PAM: variants seen among roughly 807,000 people sequenced by gnomAD.
PAM encodes the protein peptidylglycine alpha-amidating monooxygenase, also known as peptidyl-glycine alpha-amidating monooxygenase.
PAM carries 72 observed loss-of-function variants against 122.1 expected under a neutral mutation model. The ratio of observed to expected loss-of-function variants is 0.59; its 90% CI spans 0.49 to 0.72. The LOEUF (loss-of-function observed/expected upper bound fraction) is 0.72. PAM is among the 30% of genes least tolerant of loss of function. The probability of loss-of-function intolerance (pLI) is 0.00; values close to 1 mark genes in which losing one functional copy is unlikely to be tolerated. For missense variants in PAM, 1,106 were observed against 1,183.7 expected (o/e 0.93, Z 0.96); for synonymous variants, 389 against 404.4 (o/e 0.96, Z 0.46).
intron 1 of PAM, among the ~76,000 whole-genome samples, chr5:102,824,811 A>C (rs1020961748): frequency 6.6e-6 from 1 of 152,232 alleles, no homozygotes; most frequent in African/African-American, 2.4e-5. Flanking sequence ...CTGGAAATGC[A>C]AATTTTCTAA....
At chr5:102,976,492 G>A (rs1017421582) in intron 15 of PAM, among the ~76,000 whole-genome samples, 6 of 151,930 alleles carry the variant, frequency 3.9e-5, no homozygotes, top group Admixed American at 3.3e-4. Flanking sequence ...AGTCCTCAGG[G>A]TATAGTCAAA....
intron 7 of PAM, among the ~76,000 whole-genome samples, chr5:102,941,521 C>T (rs1755216351): frequency 6.6e-6 from 1 of 152,050 alleles, no homozygotes; most frequent in Admixed American, 6.6e-5. Flanking sequence ...ATTAACAGTC[C>T]CCCAATTTCA....
chr5:103,005,663 C>T (rs745387578), intron 18 of PAM, among the ~76,000 whole-genome samples: 1 of 152,162 alleles, frequency 6.6e-6, no homozygotes, highest in African/African-American at 2.4e-5. Flanking sequence ...CTTCATATTA[C>T]CATCATATTG....
chr5:102,777,506 A>G (rs1002928763), intron 1 of PAM, among the ~76,000 whole-genome samples: 1 of 152,160 alleles, frequency 6.6e-6, no homozygotes, highest in Non-Finnish European at 1.5e-5. Context: ...AATTTCTAGT[A>G]AAATCAAGTA....
intron 1 of PAM, among the ~76,000 whole-genome samples, chr5:102,771,351 A>T (rs988743752): frequency 6.6e-6 from 1 of 152,090 alleles, no homozygotes; most frequent in African/African-American, 2.4e-5. Context: ...GTCTTTTCAA[A>T]GTGAAAACAA....
intron 3 of PAM, among the ~76,000 whole-genome samples, chr5:102,887,722 C>G (rs1470249058): frequency 6.6e-6 from 1 of 151,720 alleles, no homozygotes; most frequent in East Asian, 1.9e-4. Context: ...AAATTTTTCC[C>G]TTTTCCTCTC....
At chr5:102,834,299 A>T (rs963854794) in intron 1 of PAM, among the ~76,000 whole-genome samples, 1 of 152,176 alleles carries the variant, frequency 6.6e-6, no homozygotes, top group South Asian at 2.1e-4. Context: ...ATAATATTAT[A>T]GTTTACAGGT....
At chr5:102,813,530 T>G (rs962764435) in intron 1 of PAM, among the ~76,000 whole-genome samples, 14 of 152,224 alleles carry the variant, frequency 9.2e-5, no homozygotes, top group Non-Finnish European at 1.9e-4. Context: ...TCTTTCTCAC[T>G]TAATCTCACT....
chr5:102,861,616 G>A (rs1784216112), intron 1 of PAM, among the ~76,000 whole-genome samples: 1 of 152,146 alleles, frequency 6.6e-6, no homozygotes, highest in Non-Finnish European at 1.5e-5. Context: ...GGGACAGTGG[G>A]CAAAGTTTGG....
Position 102,784,418 on chromosome 5 carries a change from A to G in PAM, c.-374+29070A>G, listed in dbSNP as rs188570106. 4.1e-4 allele frequency among the ~76,000 whole-genome samples: 62 copies of G among 152,232 alleles called. No homozygotes were observed. In the South Asian group the frequency reaches 5.2e-3, roughly 13 times the overall value. ...GGTTTCCTTGGCACCGTAAGCTTGG[A>G]AAAATTTAGGTATCACTGTTGTAAG... is the stretch of plus-strand genomic sequence containing the variant. On this transcript the variant is annotated intron_variant, in intron 1 of 25. Coordinates refer to ENST00000438793, the MANE Select transcript of PAM (RefSeq NM_001177306.2).
chr5:102,979,014 ACT>A (rs1311761448), intron 15 of PAM, among the ~76,000 whole-genome samples: 2 of 147,896 alleles, frequency 1.4e-5, no homozygotes, highest in Admixed American at 6.9e-5. Flanking sequence ...CTTCTTAATC[ACT>A]CTGTTATTCT....
intron 4 of PAM, among the ~76,000 whole-genome samples, chr5:102,908,310 C>G (rs1800244652): frequency 6.6e-6 from 1 of 151,846 alleles, no homozygotes; most frequent in Admixed American, 6.6e-5. Context: ...TCTGAGGGCT[C>G]TGTTCTGTTC....
chr5:102,831,509 AT>A (rs1278685747), intron 1 of PAM, among the ~76,000 whole-genome samples: 7 of 151,934 alleles, frequency 4.6e-5, no homozygotes, highest in African/African-American at 1.7e-4. Flanking sequence ...TCTTTGAGGA[AT>A]TAGCTTGAAT....
intron 9 of PAM, 54 bp from the exon 10 acceptor site, chr5:102,949,483 A>T: frequency 1.1e-6 from 1 of 886,320 alleles, no homozygotes. Context: ...AGATAAGAAT[A>T]ATGTCATTTT....
intron 12 of PAM, among the ~76,000 whole-genome samples, chr5:102,958,351 C>A (rs1026054355): frequency 2.6e-5 from 4 of 152,100 alleles, no homozygotes; most frequent in Admixed American, 6.6e-5. Flanking sequence ...TCTAAAATTC[C>A]TTTTTCCTTT....
intron 16 of PAM, among the ~76,000 whole-genome samples, chr5:102,999,090 C>A (rs191707838): frequency 6.6e-6 from 1 of 152,162 alleles, no homozygotes; most frequent in Admixed American, 6.6e-5. Context: ...ACCACCAGAT[C>A]GCATGAGAAC....
intron 15 of PAM, among the ~76,000 whole-genome samples, chr5:102,983,578 C>T (rs750300363): frequency 6.6e-6 from 1 of 151,686 alleles, no homozygotes; most frequent in Non-Finnish European, 1.5e-5. Flanking sequence ...CTATATTGTT[C>T]TAGAAAGTGT....
At chr5:102,982,325 G>A (rs1770185086) in intron 15 of PAM, among the ~76,000 whole-genome samples, 1 of 152,148 alleles carries the variant, frequency 6.6e-6, no homozygotes, top group Non-Finnish European at 1.5e-5. Context: ...GATAGGTTCA[G>A]TGCTGATACT....
intron 1 of PAM, among the ~76,000 whole-genome samples, chr5:102,793,713 C>T (rs909590572): frequency 6.6e-6 from 1 of 152,028 alleles, no homozygotes; most frequent in African/African-American, 2.4e-5. Context: ...GAGCCAGGAA[C>T]AGATTTTAAA....
Sources: gnomAD v4.1 joint callset for allele counts (sites outside exome capture counted in the v4.1 genomes callset) on GRCh38, gnomAD v4.1.1 for gene constraint, MANE v1.5 for transcripts, NCBI Gene and HGNC (gene_info 2026-07-23, HGNC 2026-07-21) for gene names.